NEUROG2: variants seen among roughly 807,000 people sequenced by gnomAD.
NEUROG2 encodes the protein neurogenin 2, also known as neurogenin-2.
In NEUROG2, 1 loss-of-function variant was observed where a neutral mutation model predicts 2.8. The ratio of observed to expected loss-of-function variants is 0.36; its 90% CI spans 0.13 to 1.71. NEUROG2 has a LOEUF of 1.71. NEUROG2 is among the 40% of genes most tolerant of loss of function. The pLI, the probability that NEUROG2 is intolerant of heterozygous loss-of-function variation, is 0.34. For synonymous variants in NEUROG2, 211 were observed against 187.7 expected (o/e 1.12, Z -1.01); for missense variants, 397 against 392.7 (o/e 1.01, Z -0.09).
At position 112,516,098 on chromosome 4, in the gene NEUROG2, T is replaced by G. The variant is rs1736446919; in HGVS notation, c.-253A>C. The G allele has an allele frequency of 6.5e-6, 1 of 152,930 alleles. No individual in the cohort carries two copies. Among genetic ancestry groups the G allele is most frequent in the African/African-American group, 2.4e-5 (1 of 41,422 alleles). 9.5% of individuals were successfully genotyped at this position (152,930 alleles called of 1,614,324 possible). A position where few individuals can be genotyped will look rare whatever the true frequency, so the allele number is the denominator to read the frequency against. On this transcript the variant is annotated 5_prime_UTR_variant, in exon 1 of 2. Coordinates refer to ENST00000313341, the MANE Select transcript of NEUROG2 (RefSeq NM_024019.4). ...GCGTGTCTGTCTGTCAGTCAGTCCC[T>G]GGCCGTGCGGCTCCTGGCACGCGAC...
In NEUROG2 at chr4:112,514,812, G is replaced by A. The variant is rs780563547; in HGVS notation, c.664C>T (p.Pro222Ser). ...GAATTGGAGGACACGGAGGAGGACG[G>A]CGCGGGGCTGTTGGTGCAACTCCAC... ...STWSCTNSPA[P>S]SSSVSSNSTS... Residue 222 changes from proline (P) to serine (S), a missense_variant, in exon 2 of 2, where the codon CCG becomes TCG. Coordinates refer to ENST00000313341, the MANE Select transcript of NEUROG2 (RefSeq NM_024019.4). 1.3e-6 allele frequency: 2 copies of A among 1,573,796 alleles called. No individual in the cohort carries two copies. Among genetic ancestry groups the A allele is most frequent in the South Asian group, 2.4e-5 (2 of 84,270 alleles).
rs957093098 is a variant in NEUROG2 at position 112,514,279 on chromosome 4, C to T, written c.*378G>A. 1 of 213,638 alleles carries T rather than the reference C, an allele frequency of 4.7e-6. No individual in the cohort carries two copies. The highest frequency in any genetic ancestry group is 1.0e-4 in the East Asian group (1 of 9,966). The allele number at this position is 213,638 out of a possible 1,614,324, so 13.2% of individuals were successfully genotyped here. On this transcript the variant is annotated 3_prime_UTR_variant, in exon 2 of 2. Coordinates refer to ENST00000313341, the MANE Select transcript of NEUROG2 (RefSeq NM_024019.4). ...CCAGTTGCATTCCCCCTGTGAGATT[C>T]ACACGAACTGCACCAAGTCCTTCGG...
rs1736405610 is a variant in NEUROG2 at position 112,515,232 on chromosome 4, G to C, written c.244C>G (p.Leu82Val). ...GGGCGCCGTTTGCAATCGTGTACCA[G>C]ACCCAGCAGCCGTGCGGGCCGGCAG... The part of the protein sequence containing the change: ...EGCRPARLLG[L>V]VHDCKRRPSR... The change falls in exon 2 of 2, where the codon CTG (leucine) becomes GTG (valine). Residue 82 changes from leucine to valine, a missense_variant. Leu to Val is a conservative substitution (Grantham distance 32, BLOSUM62 1). Transcript: ENST00000313341. 6.2e-7 allele frequency: 1 copy of C among 1,601,128 alleles called. No individual in the cohort carries two copies. The highest frequency in any genetic ancestry group is 1.3e-5 in the African/African-American group (1 of 74,706).
In NEUROG2 at chr4:112,514,539, G is replaced by T; in HGVS notation, c.*118C>A. Reference sequence around the variant, plus strand: ...GAATCAGAAAGGCTACACCTGCCCTGTGAAGTGAGATGGTTTCCAGGGCGT... The same window carrying T: ...GAATCAGAAAGGCTACACCTGCCCTTTGAAGTGAGATGGTTTCCAGGGCGT... On this transcript the variant is annotated 3_prime_UTR_variant, in exon 2 of 2. Transcript: ENST00000313341. 1 of 796,264 alleles carries T rather than the reference G, an allele frequency of 1.3e-6. No homozygotes were observed. The highest frequency in any genetic ancestry group is 1.9e-6 in the Non-Finnish European group (1 of 539,212). 49.3% of individuals were successfully genotyped at this position (796,264 alleles called of 1,614,324 possible). A position where few individuals can be genotyped will look rare whatever the true frequency, so the allele number is the denominator to read the frequency against.
rs1169517338 is a variant in NEUROG2, at chr4:112,514,040, A to G, written c.*617T>C. ...CAATAGGCATTGTGACGAATCTGGG[A>G]AACAGAACAAAGTGCACATCAGAGA... On this transcript the variant is annotated 3_prime_UTR_variant, in exon 2 of 2. Transcript: ENST00000313341. 4 of 152,692 alleles carry G rather than the reference A, an allele frequency of 2.6e-5. No homozygotes were observed. The highest frequency in any genetic ancestry group is 9.6e-5 in the African/African-American group (4 of 41,466). 9.5% of individuals were successfully genotyped at this position (152,692 alleles called of 1,614,324 possible).
chr4:112,515,510 G>A (rs201416208), intron 1 of NEUROG2, 34 bp from the exon 2 acceptor site: 142 of 1,486,852 alleles, frequency 9.6e-5, no homozygotes, highest in Non-Finnish European at 1.2e-4. Flanking sequence ...AAGGCAGTGA[G>A]GTGTAAGGAA....
In NEUROG2 at chr4:112,515,454, A is replaced by G. The variant is rs530873636; in HGVS notation, c.22T>C (p.Leu8=). 2 of 1,525,292 alleles carry G rather than the reference A, an allele frequency of 1.3e-6. No individual in the cohort carries two copies. Among genetic ancestry groups the G allele is most frequent in the East Asian group, 2.7e-5 (1 of 37,252 alleles). 94.5% of individuals were successfully genotyped at this position (1,525,292 alleles called of 1,614,324 possible). A position where few individuals can be genotyped will look rare whatever the true frequency, so the allele number is the denominator to read the frequency against. Residue 8 remains leucine, a synonymous_variant, in exon 2 of 2, where the codon TTG becomes CTG. Transcript: ENST00000313341. MFVKSET[L]ELKEEEDVLV... is the part of the protein sequence containing the mutation. ...ACGTCCTCTTCCTCCTTCAACTCCAAGGTCTCGGATTTGACGAACATCCTA... is the reference window on the plus strand; with the variant it reads ...ACGTCCTCTTCCTCCTTCAACTCCAGGGTCTCGGATTTGACGAACATCCTA...
Position 112,515,904 on chromosome 4 carries a change from T to G in NEUROG2, c.-59A>C, listed in dbSNP as rs1736436059. On this transcript the variant is annotated 5_prime_UTR_variant, in exon 1 of 2. Transcript: ENST00000313341. ...GTGACTTTGGCCTGTGCCGGGAATC[T>G]CCGCGCAGCTGCGAGCGCAGCGCCG... The G allele has an allele frequency of 6.5e-6, 1 of 153,058 alleles. No homozygotes were observed. Among genetic ancestry groups the G allele is most frequent in the Non-Finnish European group, 1.5e-5 (1 of 68,570 alleles). The allele number at this position is 153,058 out of a possible 1,614,324, so 9.5% of individuals were successfully genotyped here.
In NEUROG2 at chr4:112,514,601, T is replaced by C. The variant is rs1407803511; in HGVS notation, c.*56A>G. ...GCAGGGGAAGGGAGGAGGGCTCGACTGGGGACAGGAAAGGGAACCCACTAA... is the reference window on the plus strand; with the variant it reads ...GCAGGGGAAGGGAGGAGGGCTCGACCGGGGACAGGAAAGGGAACCCACTAA... On this transcript the variant is annotated 3_prime_UTR_variant, in exon 2 of 2. Coordinates refer to ENST00000313341, the MANE Select transcript of NEUROG2 (RefSeq NM_024019.4). 1 of 1,411,596 alleles carries C rather than the reference T, an allele frequency of 7.1e-7. No individual in the cohort carries two copies. The allele number at this position is 1,411,596 out of a possible 1,614,324, so 87.4% of individuals were successfully genotyped here. A position where few individuals can be genotyped will look rare whatever the true frequency, so the allele number is the denominator to read the frequency against.
chr4:112,514,161 T>C lies in NEUROG2; in HGVS notation c.*496A>G, dbSNP rs1229053599. ...CATTGCAAATCTGTGGATAATATTA[T>C]TACCAGCAAAATCATTCAGATGCTA... On this transcript the variant is annotated 3_prime_UTR_variant, in exon 2 of 2. Transcript: ENST00000313341. 6.5e-6 allele frequency: 1 copy of C among 154,552 alleles called. No homozygotes were observed. The highest frequency in any genetic ancestry group is 1.9e-4 in the East Asian group (1 of 5,242). 9.6% of individuals were successfully genotyped at this position (154,552 alleles called of 1,614,324 possible). A position where few individuals can be genotyped will look rare whatever the true frequency, so the allele number is the denominator to read the frequency against.
At position 112,515,148 on chromosome 4, in the gene NEUROG2, T is replaced by G; in HGVS notation, c.328A>C (p.Lys110Gln). 6.2e-7 allele frequency: 1 copy of G among 1,613,534 alleles called. No homozygotes were observed. Among genetic ancestry groups the G allele is most frequent in the Non-Finnish European group, 8.5e-7 (1 of 1,179,844 alleles). Residue 110 changes from lysine to glutamine, a missense_variant, in exon 2 of 2, where the codon AAG becomes CAG. Transcript: ENST00000313341. ...AKTAETVQRI[K>Q]KTRRLKANNR... ...TTGGCCTTCAGTCTACGGGTCTTCT[T>G]GATGCGCTGCACCGTCTCGGCCGTC...
chr4:112,515,484 A>G lies in NEUROG2; in HGVS notation c.-1-8T>C. ...TCGGATTTGACGAACATCCTACCGA[A>G]GAGAGAAAGGGGAAAAAGGCAGTGA... On this transcript the variant is annotated splice_polypyrimidine_tract_variant and splice_region_variant and intron_variant, in intron 1 of 1. Coordinates refer to ENST00000313341, the MANE Select transcript of NEUROG2 (RefSeq NM_024019.4). The G allele has an allele frequency of 1.3e-6, 2 of 1,513,818 alleles. No individual in the cohort carries two copies. The highest frequency in any genetic ancestry group is 8.7e-7 in the Non-Finnish European group (1 of 1,145,002). 93.8% of individuals were successfully genotyped at this position (1,513,818 alleles called of 1,614,324 possible).
rs997297263 is a variant in NEUROG2, at chr4:112,515,401, G to C, written c.75C>G (p.Pro25=). Residue 25 remains proline, a synonymous_variant, in exon 2 of 2, where the codon CCC becomes CCG. Transcript: ENST00000313341. The part of the protein sequence containing the change: ...DVLVLLGSAS[P]ALAALTPLSS... Reference sequence around the variant, plus strand: ...ACAGCGGGGTCAGGGCCGCCAAGGCGGGGGAGGCCGATCCGAGCAGCACTA... The same window carrying C: ...ACAGCGGGGTCAGGGCCGCCAAGGCCGGGGAGGCCGATCCGAGCAGCACTA... 8 of 1,524,590 alleles carry C rather than the reference G, an allele frequency of 5.2e-6. No individual in the cohort carries two copies. Among genetic ancestry groups the C allele is most frequent in the Non-Finnish European group, 6.1e-6 (7 of 1,146,922 alleles). The allele number at this position is 1,524,590 out of a possible 1,614,324, so 94.4% of individuals were successfully genotyped here.
Position 112,514,749 on chromosome 4 carries a change from G to T in NEUROG2, c.727C>A (p.Pro243Thr). 6.5e-7 allele frequency: 1 copy of T among 1,531,986 alleles called. No individual in the cohort carries two copies. The allele number at this position is 1,531,986 out of a possible 1,614,324, so 94.9% of individuals were successfully genotyped here. Residue 243 changes from proline to threonine, a missense_variant, in exon 2 of 2, where the codon CCG becomes ACG. By Grantham distance (38) the Pro-to-Thr change is conservative (BLOSUM62 -1). Transcript: ENST00000313341. ...CAATAGTCCATGTCTGACCCGGCCG[G>T]GCTGGCGGGCGATAAAGTGCAGCTG... Reference protein sequence around the residue: ...PYSCTLSPASPAGSDMDYWQP... With the variant: ...PYSCTLSPASTAGSDMDYWQP...
chr4:112,514,351 T>C lies in NEUROG2; in HGVS notation c.*306A>G. 3.1e-6 allele frequency: 1 copy of C among 324,230 alleles called. No homozygotes were observed. The highest frequency in any genetic ancestry group is 5.6e-6 in the Non-Finnish European group (1 of 179,692). The allele number at this position is 324,230 out of a possible 1,614,324, so 20.1% of individuals were successfully genotyped here. A position where few individuals can be genotyped will look rare whatever the true frequency, so the allele number is the denominator to read the frequency against. Reference sequence around the variant, plus strand: ...GCGTCAGTCCGCTCTGCAAACTCTTTAGATATGCCACCATCATCTCTTCCC... The same window carrying C: ...GCGTCAGTCCGCTCTGCAAACTCTTCAGATATGCCACCATCATCTCTTCCC... On this transcript the variant is annotated 3_prime_UTR_variant, in exon 2 of 2. Coordinates refer to ENST00000313341, the MANE Select transcript of NEUROG2 (RefSeq NM_024019.4).
In NEUROG2 at chr4:112,514,923, G is replaced by A. The variant is rs1479531828; in HGVS notation, c.553C>T (p.Leu185Phe). 1 of 1,607,426 alleles carries A rather than the reference G, an allele frequency of 6.2e-7. No individual in the cohort carries two copies. Reference protein sequence around the residue: ...GGGGGGLPGALFSEAVLLSPG... With the variant: ...GGGGGGLPGAFFSEAVLLSPG... ...CTCAGCAACACTGCCTCGGAGAAGA[G>A]CGCCCCCGGCAGGCCCCCGCCGCCG... The change falls in exon 2 of 2, where the codon CTC becomes TTC. Residue 185 changes from leucine to phenylalanine, a missense_variant. Transcript: ENST00000313341.
In NEUROG2 at chr4:112,514,725, AATAGTCC is replaced by A. The variant is rs1250095548; in HGVS notation, c.744_750del (p.Met248IlefsTer18). On this transcript the variant is annotated frameshift_variant, in exon 2 of 2. Transcript: ENST00000313341. LOFTEE classifies it high-confidence loss of function. ...TGCTTGTCGGGAGGTGGGGGCTGCC[AATAGTCC>A]ATGTCTGACCCGGCCGGGCTGGCGG... The A allele has an allele frequency of 6.6e-7, 1 of 1,521,150 alleles. No homozygotes were observed. The highest frequency in any genetic ancestry group is 1.3e-5 in the South Asian group (1 of 75,172). The allele number at this position is 1,521,150 out of a possible 1,614,324, so 94.2% of individuals were successfully genotyped here.
chr4:112,515,470 G>T lies in NEUROG2; in HGVS notation c.6C>A (p.Phe2Leu). The change falls in exon 2 of 2, where the codon TTC becomes TTA. Residue 2 changes from phenylalanine to leucine, a missense_variant. Transcript: ENST00000313341. M[F>L]VKSETLELKE... is the part of the protein sequence containing the mutation. ...TCAACTCCAAGGTCTCGGATTTGACGAACATCCTACCGAAGAGAGAAAGGG... is the reference window on the plus strand; with the variant it reads ...TCAACTCCAAGGTCTCGGATTTGACTAACATCCTACCGAAGAGAGAAAGGG... 2 of 1,519,350 alleles carry T rather than the reference G, an allele frequency of 1.3e-6. No homozygotes were observed. Among genetic ancestry groups the T allele is most frequent in the South Asian group, 1.3e-5 (1 of 78,992 alleles). The allele number at this position is 1,519,350 out of a possible 1,614,324, so 94.1% of individuals were successfully genotyped here.
In NEUROG2 at chr4:112,515,087, G is replaced by A. The variant is rs763346689; in HGVS notation, c.389C>T (p.Ala130Val). The change falls in exon 2 of 2, where the codon GCG (alanine) becomes GTG (valine). Residue 130 changes from alanine (A) to valine (V), a missense_variant. Coordinates refer to ENST00000313341, the MANE Select transcript of NEUROG2 (RefSeq NM_024019.4). ...CACCTCGCGCAGCGCGTCCAGTGCCGCGTTGAGGTTGTGCATGCGGTTTCG... is the reference window on the plus strand; with the variant it reads ...CACCTCGCGCAGCGCGTCCAGTGCCACGTTGAGGTTGTGCATGCGGTTTCG... ...RERNRMHNLN[A>V]ALDALREVLP... The A allele has an allele frequency of 1.2e-6, 2 of 1,614,022 alleles. No homozygotes were observed. Among genetic ancestry groups the A allele is most frequent in the East Asian group, 2.2e-5 (1 of 44,874 alleles).
Sources: allele counts gnomAD v4.1 joint callset, GRCh38; gene constraint gnomAD v4.1.1; transcripts MANE v1.5; gene names NCBI Gene and HGNC (gene_info 2026-07-23, HGNC 2026-07-21).